ABCC6: variants seen among roughly 807,000 people sequenced by gnomAD.
ABCC6 encodes the protein ATP binding cassette subfamily C member 6, also known as ATP-binding cassette sub-family C member 6.
Under a neutral mutation model 169.5 loss-of-function variants are expected in ABCC6, and 126 were observed. That is an observed-to-expected ratio of 0.74 (90% CI 0.64 to 0.86). The LOEUF (loss-of-function observed/expected upper bound fraction) is 0.86, where lower values mean the gene tolerates loss of function less well. ABCC6 is among the 40% of genes least tolerant of loss of function. The probability of loss-of-function intolerance (pLI) is 0.00; values close to 1 mark genes in which losing one functional copy is unlikely to be tolerated. For synonymous variants in ABCC6, 752 were observed against 814.7 expected (o/e 0.92, Z 1.31); for missense variants, 1,733 against 1,927.2 (o/e 0.90, Z 1.89).
intron 22 of ABCC6, among the ~76,000 whole-genome samples, chr16:16,166,232 A>G (rs2152229235): frequency 6.6e-6 from 1 of 152,130 alleles, no homozygotes; most frequent in South Asian, 2.1e-4. Flanking sequence ...GTATTTTTGT[A>G]GAGATGGGAT....
intron 15 of ABCC6, among the ~76,000 whole-genome samples, chr16:16,184,577 T>C (rs1023074071): frequency 6.6e-5 from 10 of 152,170 alleles, no homozygotes; most frequent in South Asian, 2.1e-4. Context: ...AGACTATAGA[T>C]GATCATGACC....
At chr16:16,198,210 A>G (rs764021207) in intron 9 of ABCC6, 28 bp from the exon 10 acceptor site, 2 of 1,566,952 alleles carry the variant, frequency 1.3e-6, no homozygotes, top group Non-Finnish European at 1.7e-6. Context: ...GGAGAGAAGT[A>G]AAGTGGGGAG....
At position 16,157,676 on chromosome 16, in the gene ABCC6, T is replaced by A. The variant is rs763831330; in HGVS notation, c.3869A>T (p.His1290Leu). 1 of 1,614,002 alleles carries A rather than the reference T, an allele frequency of 6.2e-7. No individual in the cohort carries two copies. Among genetic ancestry groups the A allele is most frequent in the South Asian group, 1.1e-5 (1 of 91,090 alleles). Residue 1290 changes from histidine (H) to leucine (L), a missense_variant, in exon 27 of 31, where the codon CAC becomes CTC. By Grantham distance (99) the His-to-Leu change is moderately conservative. Transcript: ENST00000205557. Reference protein sequence around the residue: ...LAVQGVSFKIHAGEKVGIVGR... With the variant: ...LAVQGVSFKILAGEKVGIVGR... The stretch of plus-strand genomic sequence containing the variant: ...AGAACCACTCACCTTCTCTCCTGCG[T>A]GGATCTTGAAGGACACGCCCTGCAC...
At chr16:16,163,282 T>A in intron 23 of ABCC6, 90 bp from the exon 24 acceptor site, 1 of 1,260,918 alleles carries the variant, frequency 7.9e-7, no homozygotes, top group Non-Finnish European at 1.1e-6. Context: ...AGTACAGGAT[T>A]CCAGACCAGG....
rs374255561 is a variant in ABCC6 at position 16,185,079 on chromosome 16, C to T, written c.1868-45G>A. On this transcript the variant is annotated intron_variant, in intron 14 of 30. Transcript: ENST00000205557. ...ATTTACAGGAGACCCCTGACCTGGC[C>T]GGCCTCTGCATCGGAGAGGCCCCCA... 2.5e-5 allele frequency: 40 copies of T among 1,581,758 alleles called. No homozygotes were observed. The Middle Eastern group carries it at 8.5e-4, about 34-fold the overall frequency.
intron 7 of ABCC6, among the ~76,000 whole-genome samples, chr16:16,204,390 C>T (rs551766000): frequency 6.6e-6 from 1 of 152,236 alleles, no homozygotes; most frequent in South Asian, 2.1e-4. Context: ...TGTTGTCAAC[C>T]TGGAGGAAGA....
intron 1 of ABCC6, among the ~76,000 whole-genome samples, chr16:16,222,770 C>G (rs1443030274): frequency 5.9e-5 from 9 of 151,912 alleles, no homozygotes; most frequent in Non-Finnish European, 1.3e-4. Flanking sequence ...TCAATTCTCT[C>G]TCCGCTGTCT....
intron 29 of ABCC6, 25 bp downstream of exon 29, chr16:16,154,602 TC>T (rs1046443899): frequency 1.9e-6 from 3 of 1,611,230 alleles, no homozygotes; most frequent in Non-Finnish European, 2.5e-6. Flanking sequence ...CACCTGCAGG[TC>T]CCAGCCATGG....
intron 9 of ABCC6, 93 bp from the exon 10 acceptor site, chr16:16,198,275 C>T (rs2048123019): frequency 2.1e-6 from 3 of 1,401,850 alleles, no homozygotes; most frequent in South Asian, 2.6e-5. Flanking sequence ...CCCCACCTCA[C>T]ACGTCTGCGA....
intron 27 of ABCC6, chr16:16,155,742 G>A (rs138031101): frequency 6.6e-6 from 1 of 152,576 alleles, no homozygotes; most frequent in Non-Finnish European, 1.5e-5. Flanking sequence ...AACATTATTT[G>A]TTTAATTAAT....
At chr16:16,215,094 A>G (rs1216337828) in intron 4 of ABCC6, among the ~76,000 whole-genome samples, 1 of 151,904 alleles carries the variant, frequency 6.6e-6, no homozygotes. Context: ...TCCACCCTCT[A>G]CCCCAATCTT....
chr16:16,175,958 G>A lies in ABCC6; in HGVS notation c.2619C>T (p.Asp873=), dbSNP rs780064112. 6.2e-7 allele frequency: 1 copy of A among 1,614,116 alleles called. No homozygotes were observed. The highest frequency in any genetic ancestry group is 1.7e-5 in the Admixed American group (1 of 60,008). Residue 873 remains aspartate, a synonymous_variant, in exon 20 of 31, where the codon GAC becomes GAT. Coordinates refer to ENST00000205557, the MANE Select transcript of ABCC6 (RefSeq NM_001171.6). ...GETEPGTSTK[D]PRGTSAGRRP... ...TCCTGCCTGCAGAGGTGCCTCTGGG[G>A]TCCTTGGTGCTGGTCCCAGGTTCTG...
At chr16:16,164,411 A>G (rs1458268200) in intron 23 of ABCC6, among the ~76,000 whole-genome samples, 5 of 152,072 alleles carry the variant, frequency 3.3e-5, no homozygotes, top group Admixed American at 2.6e-4. Context: ...GGTGCTGTCA[A>G]TCATGGGACC....
At chr16:16,183,005 C>A in intron 15 of ABCC6, 75 bp from the exon 16 acceptor site, 1 of 1,611,180 alleles carries the variant, frequency 6.2e-7, no homozygotes, top group Non-Finnish European at 8.5e-7. Flanking sequence ...GAGCCCCAGA[C>A]GGAGCTGAGC....
At chr16:16,191,687 TCATTCCTTCTCTTCCG>T (rs2047861335) in intron 11 of ABCC6, among the ~76,000 whole-genome samples, 2 of 140,664 alleles carry the variant, frequency 1.4e-5, no homozygotes, top group Non-Finnish European at 3.0e-5. Context: ...CTTCTCTCCC[TCATTCCTTCTCTTCCG>T]CCCTCAATTC....
chr16:16,157,708 C>G lies in ABCC6; in HGVS notation c.3837G>C (p.Pro1279=). ...TGAAGGACACGCCCTGCACAGCCAG[C>G]GGGAGCTCAGGTCGGTATCTTAGCC... The part of the protein sequence containing the change: ...DFGLRYRPEL[P]LAVQGVSFKI... The change falls in exon 27 of 31, where the codon CCG becomes CCC. Residue 1279 remains proline (P), a synonymous_variant. Coordinates refer to ENST00000205557, the MANE Select transcript of ABCC6 (RefSeq NM_001171.6). 1.2e-6 allele frequency: 2 copies of G among 1,614,012 alleles called. No individual in the cohort carries two copies. Among genetic ancestry groups the G allele is most frequent in the Non-Finnish European group, 1.7e-6 (2 of 1,179,964 alleles).
intron 15 of ABCC6, chr16:16,184,325 T>C (rs2047576687): frequency 4.9e-6 from 1 of 206,050 alleles, no homozygotes; most frequent in Non-Finnish European, 1.1e-5. Flanking sequence ...TCCCTTGCTC[T>C]GGTTTTCTGT....
At chr16:16,199,307 A>T (rs1173952232) in intron 9 of ABCC6, among the ~76,000 whole-genome samples, 1 of 148,238 alleles carries the variant, frequency 6.7e-6, no homozygotes, top group Non-Finnish European at 1.5e-5. Context: ...ACGAGAATCA[A>T]TGAAATGAAC....
intron 20 of ABCC6, among the ~76,000 whole-genome samples, chr16:16,174,266 C>T (rs774966494): frequency 1.3e-5 from 2 of 151,176 alleles, no homozygotes; most frequent in Non-Finnish European, 3.0e-5. Flanking sequence ...CAAAGGCAAC[C>T]AACCGTTCAA....
Sources: allele counts gnomAD v4.1 joint callset (sites outside exome capture counted in the v4.1 genomes callset), GRCh38; gene constraint gnomAD v4.1.1; transcripts MANE v1.5; gene names NCBI Gene and HGNC (gene_info 2026-07-23, HGNC 2026-07-21).